DNAH6: variants seen among roughly 807,000 people sequenced by gnomAD.
DNAH6 encodes the protein axonemal beta dynein heavy chain 6.
A neutral mutation model predicts 491.4 loss-of-function variants in DNAH6; 340 were observed. The ratio of observed to expected loss-of-function variants is 0.69; its 90% confidence interval spans 0.63 to 0.76. The LOEUF (loss-of-function observed/expected upper bound fraction) is 0.76. Ranked by LOEUF, DNAH6 falls within the 30% of genes least tolerant of loss-of-function variation. The pLI is 0.00. For synonymous variants in DNAH6, 1,603 were observed against 1,686.1 expected, an observed-to-expected ratio of 0.95 and a Z score of 1.21; for missense variants, 4,443 against 4,972.2, an observed-to-expected ratio of 0.89 and a Z score of 3.20.
the DNAH6 span, among the ~76,000 whole-genome samples, chr2:84,477,514 C>T: frequency 6.6e-6 from 1 of 152,184 alleles, no homozygotes; most frequent in African/African-American, 2.4e-5. Context: ...TACCCACCTC[C>T]TTTCAAGTAC....
At chr2:84,739,344 T>A (rs1054276717) in intron 62 of DNAH6, among the ~76,000 whole-genome samples, 2 of 152,200 alleles carry the variant, frequency 1.3e-5, no homozygotes, top group Non-Finnish European at 2.9e-5. Flanking sequence ...TCATCTTGTG[T>A]AGCATCTTAC....
At chr2:84,464,097 T>G in the DNAH6 span, among the ~76,000 whole-genome samples, 1 of 152,328 alleles carries the variant, frequency 6.6e-6, no homozygotes, top group East Asian at 1.9e-4. Flanking sequence ...CTTTGTCTTC[T>G]GTCTGTGCTG....
intron 64 of DNAH6, among the ~76,000 whole-genome samples, chr2:84,770,729 C>A (rs1675520540): frequency 1.3e-5 from 2 of 151,196 alleles, no homozygotes; most frequent in African/African-American, 4.9e-5. Context: ...ACACCTGTAA[C>A]CCCAGCACTG....
chr2:84,509,699 G>A, the DNAH6 span, among the ~76,000 whole-genome samples: 2 of 152,160 alleles, frequency 1.3e-5, no homozygotes, highest in Non-Finnish European at 2.9e-5. Context: ...GCATGTCTTT[G>A]CAGTGGCTGG....
intron 64 of DNAH6, among the ~76,000 whole-genome samples, chr2:84,776,182 C>T (rs548080687): frequency 6.6e-5 from 10 of 152,282 alleles, no homozygotes; most frequent in Admixed American, 5.9e-4. Flanking sequence ...CAGGATGTGA[C>T]TGATTGGGAA....
the DNAH6 span, among the ~76,000 whole-genome samples, chr2:84,487,017 A>C: frequency 6.6e-6 from 1 of 152,218 alleles, no homozygotes; most frequent in Non-Finnish European, 1.5e-5. Flanking sequence ...GGGGATGCCA[A>C]AGGAGCCCAG....
intron 4 of DNAH6, among the ~76,000 whole-genome samples, chr2:84,534,734 G>T (rs1283834106): frequency 6.6e-6 from 1 of 151,678 alleles, no homozygotes; most frequent in Non-Finnish European, 1.5e-5. Context: ...TACCAACTGG[G>T]AAAAATCTGA....
chr2:84,507,072 C>A, the DNAH6 span, among the ~76,000 whole-genome samples: 1 of 152,064 alleles, frequency 6.6e-6, no homozygotes, highest in Non-Finnish European at 1.5e-5. Context: ...TCCATATGAA[C>A]TTTAAAGTAG....
chr2:84,736,532 GTTACTC>G (rs1388122248), intron 62 of DNAH6, among the ~76,000 whole-genome samples: 1 of 151,978 alleles, frequency 6.6e-6, no homozygotes, highest in Non-Finnish European at 1.5e-5. Context: ...ATGTTTTGTA[GTTACTC>G]TTATAGAGAT....
chr2:84,660,234 C>T (rs1691371829), intron 37 of DNAH6, among the ~76,000 whole-genome samples: 1 of 151,926 alleles, frequency 6.6e-6, no homozygotes, highest in Admixed American at 6.6e-5. Context: ...TAAAAAAGTG[C>T]TCAAAGAATG....
chr2:84,785,474 C>A, intron 66 of DNAH6, 136 bp from the exon 67 acceptor site: 1 of 867,338 alleles, frequency 1.2e-6, no homozygotes, highest in Non-Finnish European at 1.7e-6. Flanking sequence ...TCGAACATGC[C>A]AGGAATGGTC....
chr2:84,505,560 T>C, the DNAH6 span, among the ~76,000 whole-genome samples: 1 of 152,170 alleles, frequency 6.6e-6, no homozygotes. Context: ...TTTTTTAAGT[T>C]CTTTTTTTAT....
chr2:84,534,027 A>G (rs1008567491), intron 4 of DNAH6, among the ~76,000 whole-genome samples: 4 of 152,128 alleles, frequency 2.6e-5, no homozygotes, highest in Admixed American at 2.0e-4. Context: ...ATGGCTAAAG[A>G]GAACCTTCTT....
intron 57 of DNAH6, among the ~76,000 whole-genome samples, chr2:84,714,049 G>A (rs535485862): frequency 5.9e-5 from 9 of 152,208 alleles, no homozygotes; most frequent in African/African-American, 1.4e-4. Context: ...AAGCTCCCAC[G>A]GGAGTCTCCC....
intron 11 of DNAH6, among the ~76,000 whole-genome samples, chr2:84,571,788 G>C (rs1312867687): frequency 2.0e-5 from 3 of 151,534 alleles, no homozygotes; most frequent in Non-Finnish European, 4.4e-5. Context: ...GCGTGGTGGC[G>C]GGCGCCTGTA....
chr2:84,621,000 G>A (rs1687344624), intron 24 of DNAH6, among the ~76,000 whole-genome samples, 191 bp from the exon 25 acceptor site: 1 of 152,194 alleles, frequency 6.6e-6, no homozygotes, highest in African/African-American at 2.4e-5. Flanking sequence ...ACTCCAAGTG[G>A]AAGCAGTAAA....
At chr2:84,736,663 G>T (rs1397864752) in intron 62 of DNAH6, among the ~76,000 whole-genome samples, 1 of 152,056 alleles carries the variant, frequency 6.6e-6, no homozygotes, top group Non-Finnish European at 1.5e-5. Context: ...AAATGCTACT[G>T]ATTTTTGTAC....
rs147439327 is a variant in DNAH6 at position 84,678,912 on chromosome 2, G to T, written c.6744+1776G>T. ...TATTGCTCTCATTACAACGGACAGGGTATTTTGCCTGTAGGAAAAAAGAAC... is the reference window on the plus strand; with the variant it reads ...TATTGCTCTCATTACAACGGACAGGTTATTTTGCCTGTAGGAAAAAAGAAC... On this transcript the variant is annotated intron_variant, in intron 41 of 76. Transcript: ENST00000389394. 2.0e-4 allele frequency among the ~76,000 whole-genome samples: 31 copies of T among 152,288 alleles called. No individual in the cohort carries two copies. The East Asian group carries it at 5.6e-3, about 27-fold the overall frequency.
At chr2:84,630,168 A>G (rs893655603) in intron 29 of DNAH6, among the ~76,000 whole-genome samples, 2 of 152,122 alleles carry the variant, frequency 1.3e-5, no homozygotes, top group Admixed American at 1.3e-4. Flanking sequence ...AATAATCACA[A>G]CTAATAAATG....
Sources: gnomAD v4.1 joint callset for allele counts (sites outside exome capture counted in the v4.1 genomes callset) on GRCh38, gnomAD v4.1.1 for gene constraint, MANE v1.5 for transcripts, NCBI Gene and HGNC (gene_info 2026-07-23, HGNC 2026-07-21) for gene names.